ARHGAP4: variants seen among roughly 807,000 people sequenced by gnomAD.
ARHGAP4 encodes the protein rho GTPase-activating protein 4.
ARHGAP4 carries 25 observed loss-of-function variants against 67.6 expected under a neutral mutation model. The ratio of observed to expected loss-of-function variants is 0.37; its 90% CI spans 0.27 to 0.52. The LOEUF (loss-of-function observed/expected upper bound fraction) is 0.52, where lower values mean the gene tolerates loss of function less well. Among genes scored for constraint, ARHGAP4 ranks in the 20% least tolerant of loss-of-function variants. The pLI, the probability that ARHGAP4 is intolerant of heterozygous loss-of-function variation, is 0.92. For missense variants in ARHGAP4, 804 were observed against 854.6 expected (o/e 0.94, Z 0.74); for synonymous variants, 448 against 373.7 (o/e 1.20, Z -2.29).
chrX:153,909,808 A>G lies in ARHGAP4; in HGVS notation c.2347T>C (p.Trp783Arg). Reference sequence around the variant, plus strand: ...ATGCCGTTGTGCTCCCCCCGCCACCAGTCGCTCGAGGCCCTCTCGTGCAGC... The same window carrying G: ...ATGCCGTTGTGCTCCCCCCGCCACCGGTCGCTCGAGGCCCTCTCGTGCAGC... ...LRLHERASSD[W>R]WRGEHNGMRG... Residue 783 changes from tryptophan to arginine, a missense_variant, in exon 19 of 22, where the codon TGG becomes CGG. Around this residue, in one of 2 missense-constraint regions of ARHGAP4, gnomAD observed 400 missense variants for 348.7 expected, o/e 1.15. Transcript: ENST00000350060. The G allele has an allele frequency of 8.3e-7, 1 of 1,202,997 alleles. No individual in the cohort carries two copies. The highest frequency in any genetic ancestry group is 1.1e-6 in the Non-Finnish European group (1 of 891,902).
At position 153,921,519 on chromosome X, in the gene ARHGAP4, G is replaced by C; in HGVS notation, c.281C>G (p.Pro94Arg). The change falls in exon 3 of 22, where the codon CCG becomes CGG. Residue 94 changes from proline (P) to arginine (R), a missense_variant. Physicochemically the swap from Pro to Arg is moderately radical, Grantham distance 103 (BLOSUM62 -2). Around this residue, in one of 2 missense-constraint regions of ARHGAP4, gnomAD observed 404 missense variants for 505.9 expected, o/e 0.80. Coordinates refer to ENST00000350060, the MANE Select transcript of ARHGAP4 (RefSeq NM_001666.5). ...SREHQSFRKEPSLLSPLHCWA... is the reference protein window; with the variant it reads ...SREHQSFRKERSLLSPLHCWA... Reference sequence around the variant, plus strand: ...GCAGTGCAAGGGCGACAGGAGGGACGGCTCCTTCCTGGGGGTAGAGGGGCA... The same window carrying C: ...GCAGTGCAAGGGCGACAGGAGGGACCGCTCCTTCCTGGGGGTAGAGGGGCA... The C allele has an allele frequency of 8.4e-7, 1 of 1,194,290 alleles. No individual in the cohort carries two copies. The highest frequency in any genetic ancestry group is 1.1e-6 in the Non-Finnish European group (1 of 886,242).
chrX:153,919,278 C>T lies in ARHGAP4; in HGVS notation c.687G>A (p.Gln229=). ...TGAGTTTGTGCTCCATGAACTTGGC[C>T]TGCCGCTACTCAAGACAATGCAAGC... is the stretch of plus-strand genomic sequence containing the variant. ...KKGGRLVEKR[Q]AKFMEHKLKC... Residue 229 remains glutamine, a synonymous_variant, in exon 6 of 22, where the codon CAG becomes CAA. Coordinates refer to ENST00000350060, the MANE Select transcript of ARHGAP4 (RefSeq NM_001666.5). The T allele has an allele frequency of 1.6e-6, 2 of 1,212,358 alleles. No homozygotes were observed. Among genetic ancestry groups the T allele is most frequent in the Non-Finnish European group, 2.2e-6 (2 of 895,652 alleles).
intron 12 of ARHGAP4, among the ~76,000 whole-genome samples, chrX:153,911,621 C>T (rs2065021668): frequency 8.9e-6 from 1 of 111,736 alleles, no homozygotes; most frequent in South Asian, 3.7e-4. Context: ...AGTAACATTT[C>T]AAAACTCAAG....
rs782372121 is a variant in ARHGAP4, at chrX:153,913,464, C to T, written c.1271G>A (p.Arg424Gln). ...CTGGCCGCGCCTCCGGCCCGCCTGC[C>T]GGCTGCCTGGGTCTGAGCTGGTGGA... ...LKSTSSDPGSRQAGRRRGQQQ... is the reference protein window; with the variant it reads ...LKSTSSDPGSQQAGRRRGQQQ... Residue 424 changes from arginine (R) to glutamine (Q), a missense_variant, in exon 9 of 22, where the codon CGG becomes CAG. Around this residue, in one of 2 missense-constraint regions of ARHGAP4, gnomAD observed 404 missense variants for 505.9 expected, o/e 0.80. Coordinates refer to ENST00000350060, the MANE Select transcript of ARHGAP4 (RefSeq NM_001666.5). 6.6e-6 allele frequency: 8 copies of T among 1,210,277 alleles called. No individual in the cohort carries two copies. The South Asian group carries it at 7.0e-5, about 11-fold the overall frequency.
intron 5 of ARHGAP4, chrX:153,920,344 C>G (rs897342020): frequency 3.6e-5 from 13 of 356,927 alleles, no homozygotes; most frequent in African/African-American, 3.4e-4. Flanking sequence ...GTCTTCTTGC[C>G]CCCCTCTGAA....
chrX:153,914,577 G>A (rs1042266996), intron 7 of ARHGAP4, among the ~76,000 whole-genome samples: 3 of 112,071 alleles, frequency 2.7e-5, no homozygotes, highest in African/African-American at 9.7e-5. Context: ...TGCGCCTGTA[G>A]TCCCAGCTAC....
At chrX:153,908,880 C>A (rs1557101942) in intron 21 of ARHGAP4, among the ~76,000 whole-genome samples, 190 bp downstream of exon 21, 1 of 112,244 alleles carries the variant, frequency 8.9e-6, no homozygotes, top group Non-Finnish European at 1.9e-5. Flanking sequence ...TCCCCACCCG[C>A]CCTCACATCT....
chrX:153,918,845 T>C lies in ARHGAP4; in HGVS notation c.1019A>G (p.His340Arg). The change falls in exon 7 of 22, where the codon CAT becomes CGT. Residue 340 changes from histidine to arginine, a missense_variant. His to Arg is a conservative substitution (Grantham distance 29). Transcript: ENST00000350060. The stretch of plus-strand genomic sequence containing the variant: ...GGTGACCCTCACCTCATCCCCATCA[T>C]GGGGGTGGTAGTCAAAGCGCAGCGG... ...CPPLRFDYHP[H>R]DGDEVAEICV... 4 of 1,211,559 alleles carry C rather than the reference T, an allele frequency of 3.3e-6. No homozygotes were observed. Among genetic ancestry groups the C allele is most frequent in the Non-Finnish European group, 4.5e-6 (4 of 895,043 alleles).
chrX:153,909,554 G>A lies in ARHGAP4; in HGVS notation c.2415-19C>T. ...CTCCGTCCTGCGGTGGGAAGGACCG[G>A]CCTGTTTCGAGTGCTCCTTCCCTGC... On this transcript the variant is annotated intron_variant, in intron 19 of 21. Coordinates refer to ENST00000350060, the MANE Select transcript of ARHGAP4 (RefSeq NM_001666.5). 1 of 1,181,516 alleles carries A rather than the reference G, an allele frequency of 8.5e-7. No individual in the cohort carries two copies. Among genetic ancestry groups the A allele is most frequent in the Non-Finnish European group, 1.1e-6 (1 of 880,984 alleles).
intron 7 of ARHGAP4, among the ~76,000 whole-genome samples, chrX:153,917,234 A>T (rs782354630): frequency 8.2e-5 from 9 of 109,460 alleles, no homozygotes; most frequent in East Asian, 2.9e-4. Context: ...AATAAATAAA[A>T]TAAATTAAAT....
chrX:153,914,549 T>G (rs2065042315), intron 7 of ARHGAP4, among the ~76,000 whole-genome samples: 2 of 111,417 alleles, frequency 1.8e-5, no homozygotes, highest in African/African-American at 6.5e-5. Flanking sequence ...TACAAAAAAT[T>G]AACTGGGCAC....
chrX:153,921,640 G>T lies in ARHGAP4; in HGVS notation c.237C>A (p.Gly79=), dbSNP rs1416419383. Residue 79 remains glycine (G), a synonymous_variant, in exon 2 of 22, where the codon GGC becomes GGA. Transcript: ENST00000350060. The part of the protein sequence containing the change: ...KLAERFSSRG[G]RLGSSREHQS... ...GGTGCTCCCGGCTGCTCCCCAGGCG[G>T]CCTCCACGGCTGGAGAAGCGCTCGG... The T allele has an allele frequency of 9.1e-6, 11 of 1,208,927 alleles. No homozygotes were observed. Among genetic ancestry groups the T allele is most frequent in the Admixed American group, 8.7e-5 (4 of 45,974 alleles).
At position 153,914,683 on chromosome X, in the gene ARHGAP4, C is replaced by T. The variant is rs541406087; in HGVS notation, c.1033-804G>A. ...TTGCACTCCAGCCTGGGCGACAGAG[C>T]GAGACGCCATCTCAAAATAAAATAA... On this transcript the variant is annotated intron_variant, in intron 7 of 21. Transcript: ENST00000350060. Among the ~76,000 whole-genome samples the T allele has an allele frequency of 1.3e-3, 148 of 111,677 alleles. 1 individual carries two copies. In the South Asian group the frequency reaches 0.018, roughly 14 times the overall value.
chrX:153,924,007 G>A (rs2065111790), intron 1 of ARHGAP4, among the ~76,000 whole-genome samples: 1 of 111,628 alleles, frequency 9.0e-6, no homozygotes, highest in Non-Finnish European at 1.9e-5. Flanking sequence ...TTGAACTCCT[G>A]ACCTCAGGTG....
Position 153,913,509 on chromosome X carries a change from G to C in ARHGAP4, c.1226C>G (p.Pro409Arg). 2 of 1,212,053 alleles carry C rather than the reference G, an allele frequency of 1.7e-6. No homozygotes were observed. Among genetic ancestry groups the C allele is most frequent in the Non-Finnish European group, 2.2e-6 (2 of 895,585 alleles). Residue 409 changes from proline (P) to arginine (R), a missense_variant, in exon 9 of 22, where the codon CCC becomes CGC. Coordinates refer to ENST00000350060, the MANE Select transcript of ARHGAP4 (RefSeq NM_001666.5). ...GGTGGACTTGAGGGACTCGGTGGAG[G>C]GGCTGGTCTGGAAGGAATCAAGCAC... ...GDVLDSFQTS[P>R]STESLKSTSS...
chrX:153,908,225 C>A lies in ARHGAP4; in HGVS notation c.2608-263G>T, dbSNP rs192244622. Among the ~76,000 whole-genome samples the A allele has an allele frequency of 7.9e-4, 89 of 112,364 alleles. 1 individual carries two copies. Among genetic ancestry groups the A allele is most frequent in the Non-Finnish European group, 1.6e-3 (85 of 53,110 alleles). ...CCCCCTCTTCTCGCCCCCACTCTTTCCCTGGCAGAGATCACAGCCCCCTGC... is the reference window on the plus strand; with the variant it reads ...CCCCCTCTTCTCGCCCCCACTCTTTACCTGGCAGAGATCACAGCCCCCTGC... On this transcript the variant is annotated intron_variant, in intron 21 of 21. Coordinates refer to ENST00000350060, the MANE Select transcript of ARHGAP4 (RefSeq NM_001666.5).
chrX:153,917,935 G>A (rs1261606253), intron 7 of ARHGAP4, among the ~76,000 whole-genome samples: 2 of 112,170 alleles, frequency 1.8e-5, no homozygotes, highest in African/African-American at 6.5e-5. Context: ...TCTGGGGGAG[G>A]GCGCAGAGGA....
chrX:153,914,559 C>T (rs2065042339), intron 7 of ARHGAP4, among the ~76,000 whole-genome samples: 1 of 111,766 alleles, frequency 8.9e-6, no homozygotes, highest in African/African-American at 3.3e-5. Context: ...TAACTGGGCA[C>T]GGTGGCATGC....
At chrX:153,922,658 G>A (rs1392213393) in intron 1 of ARHGAP4, among the ~76,000 whole-genome samples, 4 of 112,187 alleles carry the variant, frequency 3.6e-5, no homozygotes, top group Admixed American at 9.4e-5. Context: ...CTGAGTGCCC[G>A]TCCCGAGTAA....
Sources: gnomAD v4.1 joint callset for allele counts (sites outside exome capture counted in the v4.1 genomes callset) on GRCh38, gnomAD v4.1.1 for gene constraint, gnomAD v4.1.1 regional missense constraint, MANE v1.5 for transcripts, NCBI Gene and HGNC (gene_info 2026-07-23, HGNC 2026-07-21) for gene names.